Variants in FCRLA observed in about 807,000 individuals in gnomAD.
The protein encoded by FCRLA is Fc receptor-like A.
A neutral mutation model predicts 28.4 loss-of-function variants in FCRLA; 26 were observed. The ratio of observed to expected loss-of-function variants is 0.91; its 90% CI spans 0.67 to 1.27. The LOEUF (loss-of-function observed/expected upper bound fraction) is 1.27, where lower values mean the gene tolerates loss of function less well. FCRLA is among the 50% of genes most tolerant of loss of function. The probability of loss-of-function intolerance (pLI) is 0.00; values close to 1 mark genes in which losing one functional copy is unlikely to be tolerated. For missense variants in FCRLA, 422 were observed against 433.1 expected (o/e 0.97, Z 0.23); for synonymous variants, 174 against 168.5 (o/e 1.03, Z -0.25).
At position 161,711,285 on chromosome 1, in the gene FCRLA, G is replaced by A. The variant is rs748197550; in HGVS notation, c.310G>A (p.Asp104Asn). The change falls in exon 3 of 5, where the codon GAC (aspartate) becomes AAC (asparagine). Residue 104 changes from aspartate to asparagine, a missense_variant. Around this residue, in one of 3 missense-constraint regions of FCRLA, gnomAD observed 231 missense variants for 214.6 expected, o/e 1.08. Transcript: ENST00000236938. ...GGTTCTGCGCTGCCAGGCCTGGCAAGACTGGCCACTGACTCAGGTGACCTT... is the reference window on the plus strand; with the variant it reads ...GGTTCTGCGCTGCCAGGCCTGGCAAAACTGGCCACTGACTCAGGTGACCTT... ...LLVLRCQAWQ[D>N]WPLTQVTFYR... is the part of the protein sequence containing the mutation. 1 of 1,614,238 alleles carries A rather than the reference G, an allele frequency of 6.2e-7. No homozygotes were observed. Among genetic ancestry groups the A allele is most frequent in the Non-Finnish European group, 8.5e-7 (1 of 1,180,040 alleles).
chr1:161,710,059 T>C (rs1381767027), intron 1 of FCRLA, among the ~76,000 whole-genome samples: 1 of 152,154 alleles, frequency 6.6e-6, no homozygotes, highest in East Asian at 1.9e-4. Flanking sequence ...TGAAAGCTCT[T>C]TGTTAGATAA....
intron 2 of FCRLA, 122 bp downstream of exon 2, chr1:161,711,034 C>A: frequency 6.9e-7 from 1 of 1,453,266 alleles, no homozygotes; most frequent in African/African-American, 1.4e-5. Flanking sequence ...CAGTCTTCAG[C>A]CCACAGCAAC....
rs914867598 is a variant in FCRLA at position 161,713,018 on chromosome 1, C to T, written c.785-67C>T. ...CTTTCAGAGAACAAGAAAGATTGGCCAGGGATGGGAGGGAAGGGCCAGAGT... is the reference window on the plus strand; with the variant it reads ...CTTTCAGAGAACAAGAAAGATTGGCTAGGGATGGGAGGGAAGGGCCAGAGT... On this transcript the variant is annotated intron_variant, in intron 4 of 4. Coordinates refer to ENST00000236938, the MANE Select transcript of FCRLA (RefSeq NM_032738.4). The T allele has an allele frequency of 2.6e-6, 4 of 1,521,036 alleles. No homozygotes were observed. In the African/African-American group the frequency reaches 5.6e-5, roughly 21 times the overall value. 94.2% of individuals were successfully genotyped at this position (1,521,036 alleles called of 1,614,324 possible).
At chr1:161,712,367 G>A in intron 4 of FCRLA, 149 bp downstream of exon 4, 1 of 915,078 alleles carries the variant, frequency 1.1e-6, no homozygotes, top group Non-Finnish European at 1.6e-6. Context: ...CAGAATCCCT[G>A]ATGATGAGAG....
At position 161,713,676 on chromosome 1, in the gene FCRLA, T is replaced by C. The variant is rs1282832197; in HGVS notation, c.*296T>C. 8.6e-6 allele frequency: 2 copies of C among 233,076 alleles called. No individual in the cohort carries two copies. Among genetic ancestry groups the C allele is most frequent in the South Asian group, 1.7e-4 (2 of 11,624 alleles). The allele number at this position is 233,076 out of a possible 1,614,324, so 14.4% of individuals were successfully genotyped here. A position where few individuals can be genotyped will look rare whatever the true frequency, so the allele number is the denominator to read the frequency against. ...AGAGAACTAATGGAAGTGGATTGAA[T>C]ACAGCAGTCTCAACTGGGGGCAATT... On this transcript the variant is annotated 3_prime_UTR_variant, in exon 5 of 5. Coordinates refer to ENST00000236938, the MANE Select transcript of FCRLA (RefSeq NM_032738.4).
chr1:161,710,455 C>T (rs1403236502), intron 1 of FCRLA: 2 of 1,550,244 alleles, frequency 1.3e-6, no homozygotes, highest in Non-Finnish European at 1.7e-6. Context: ...ATTGTCTTTG[C>T]TCCTGGTTTC....
At chr1:161,707,754 C>T (rs1346372979) in intron 1 of FCRLA, among the ~76,000 whole-genome samples, 17 of 152,174 alleles carry the variant, frequency 1.1e-4, no homozygotes, top group Admixed American at 1.1e-3. Flanking sequence ...GCATGCTTTT[C>T]AGTTCATATC....
rs769561392 is a variant in FCRLA, at chr1:161,713,324, T to G, written c.1024T>G (p.Leu342Val). Residue 342 changes from leucine to valine, a missense_variant, in exon 5 of 5, where the codon TTG becomes GTG. Coordinates refer to ENST00000236938, the MANE Select transcript of FCRLA (RefSeq NM_032738.4). ...RVLLGHLLME[L>V]RELSGHRKPG... The stretch of plus-strand genomic sequence containing the variant: ...CCTCCTCGGTCACCTGCTCATGGAG[T>G]TGAGGGAATTATCTGGCCACCGGAA... 3 of 1,614,056 alleles carry G rather than the reference T, an allele frequency of 1.9e-6. No individual in the cohort carries two copies. Among genetic ancestry groups the G allele is most frequent in the Non-Finnish European group, 2.5e-6 (3 of 1,180,014 alleles).
At chr1:161,710,625 A>C (rs1196805262) in intron 1 of FCRLA, 135 bp from the exon 2 acceptor site, 1 of 1,367,602 alleles carries the variant, frequency 7.3e-7, no homozygotes, top group South Asian at 1.3e-5. Flanking sequence ...GTCTTTCCGA[A>C]AAAAAAAAAG....
chr1:161,713,657 C>G lies in FCRLA; in HGVS notation c.*277C>G. 1 of 305,720 alleles carries G rather than the reference C, an allele frequency of 3.3e-6. No homozygotes were observed. Among genetic ancestry groups the G allele is most frequent in the Non-Finnish European group, 6.0e-6 (1 of 165,722 alleles). 18.9% of individuals were successfully genotyped at this position (305,720 alleles called of 1,614,324 possible). On this transcript the variant is annotated 3_prime_UTR_variant, in exon 5 of 5. Coordinates refer to ENST00000236938, the MANE Select transcript of FCRLA (RefSeq NM_032738.4). ...CCAGAATGTTGTGATTTAAAGAGAA[C>G]TAATGGAAGTGGATTGAATACAGCA...
At chr1:161,710,614 G>A in intron 1 of FCRLA, 146 bp from the exon 2 acceptor site, 1 of 1,400,444 alleles carries the variant, frequency 7.1e-7, no homozygotes, top group South Asian at 1.2e-5. Context: ...CACTCTCAGG[G>A]GTCTTTCCGA....
chr1:161,712,038 G>C lies in FCRLA; in HGVS notation c.604G>C (p.Ala202Pro). 1 of 1,614,200 alleles carries C rather than the reference G, an allele frequency of 6.2e-7. No homozygotes were observed. The highest frequency in any genetic ancestry group is 1.3e-5 in the African/African-American group (1 of 75,038). Residue 202 changes from alanine (A) to proline (P), a missense_variant, in exon 4 of 5, where the codon GCT becomes CCT. By Grantham distance (27) the Ala-to-Pro change is conservative. Around this residue, in one of 3 missense-constraint regions of FCRLA, gnomAD observed 185 missense variants for 198.1 expected, o/e 0.93. Transcript: ENST00000236938. ...CQTKLPLQRS[A>P]ARLLFSFYKD... ...GACAAAGTTGCCCCTGCAGAGGTCAGCTGCCCGCCTCCTCTTCTCCTTCTA... is the reference window on the plus strand; with the variant it reads ...GACAAAGTTGCCCCTGCAGAGGTCACCTGCCCGCCTCCTCTTCTCCTTCTA...
intron 1 of FCRLA, among the ~76,000 whole-genome samples, chr1:161,708,392 T>G (rs12040409): frequency 0.04 from 6,111 of 152,304 alleles, 155 homozygotes; most frequent in East Asian, 0.058. Flanking sequence ...CAAGCCCTCA[T>G]CCTCTATGAC....
chr1:161,710,109 T>C (rs57678166), intron 1 of FCRLA, among the ~76,000 whole-genome samples: 21,947 of 151,946 alleles, frequency 0.14, 1,908 homozygotes, highest in Admixed American at 0.3. Context: ...TTTGGGAAAA[T>C]CAGAATATGA....
intron 1 of FCRLA, among the ~76,000 whole-genome samples, chr1:161,709,003 TG>T (rs1682966300): frequency 6.6e-6 from 1 of 152,224 alleles, no homozygotes; most frequent in Admixed American, 6.5e-5. Flanking sequence ...ACCAGCTCTA[TG>T]TCACTTTAGA....
At position 161,710,822 on chromosome 1, in the gene FCRLA, A is replaced by C. The variant is rs1683059816; in HGVS notation, c.142A>C (p.Thr48Pro). The change falls in exon 2 of 5, where the codon ACG becomes CCG. Residue 48 changes from threonine (T) to proline (P), a missense_variant. This residue lies in a region of FCRLA where 231 missense variants were observed against 214.6 expected (regional missense o/e 1.08). Transcript: ENST00000236938. Reference protein sequence around the residue: ...PVCTEESSCHTEDDLTDAREA... With the variant: ...PVCTEESSCHPEDDLTDAREA... ...CTGCACTGAGGAGAGCAGCTGCCAC[A>C]CGGAGGATGACTTGACTGATGCAAG... 1 of 1,614,018 alleles carries C rather than the reference A, an allele frequency of 6.2e-7. No homozygotes were observed. The highest frequency in any genetic ancestry group is 2.2e-5 in the East Asian group (1 of 44,874).
chr1:161,710,417 G>C (rs928726572), intron 1 of FCRLA: 2 of 1,499,588 alleles, frequency 1.3e-6, no homozygotes, highest in Non-Finnish European at 1.8e-6. Flanking sequence ...TTTCATTCCT[G>C]TCCTATGCCT....
At chr1:161,709,741 A>AT (rs1683005644) in intron 1 of FCRLA, among the ~76,000 whole-genome samples, 1 of 152,128 alleles carries the variant, frequency 6.6e-6, no homozygotes, top group South Asian at 2.1e-4. Context: ...GAGGGGGAGA[A>AT]TAGTTAGGGA....
At chr1:161,712,651 G>A (rs10917746) in intron 4 of FCRLA, among the ~76,000 whole-genome samples, 7,220 of 152,254 alleles carry the variant, frequency 0.047, 578 homozygotes, top group East Asian at 0.39. Flanking sequence ...CATGTCATAT[G>A]AAAAATAATG....
Sources: gnomAD v4.1 joint callset for allele counts (sites outside exome capture counted in the v4.1 genomes callset) on GRCh38, gnomAD v4.1.1 for gene constraint, gnomAD v4.1.1 regional missense constraint, MANE v1.5 for transcripts, NCBI Gene and HGNC (gene_info 2026-07-23, HGNC 2026-07-21) for gene names.